Variants in CDH6 observed in about 807,000 individuals in gnomAD.
CDH6 encodes the protein cadherin 6.
A neutral mutation model predicts 78.0 loss-of-function variants in CDH6; 31 were observed. The observed-to-expected ratio is 0.40, with a 90% CI of 0.30 to 0.54. CDH6 has a LOEUF of 0.54. CDH6 is among the 20% of genes least tolerant of loss of function. CDH6 has a pLI of 0.56. For missense variants in CDH6, 724 were observed against 975.9 expected, an observed-to-expected ratio of 0.74 and a Z score of 3.44; for synonymous variants, 376 against 368.8, an observed-to-expected ratio of 1.02 and a Z score of -0.23.
At position 31,262,477 on chromosome 5, in the gene CDH6, A is replaced by G. The variant is rs112641302; in HGVS notation, c.-128-4869A>G. Among the ~76,000 whole-genome samples the G allele has an allele frequency of 2.9e-3, 439 of 152,316 alleles. 2 individuals are homozygous for G. Among genetic ancestry groups the G allele is most frequent in the African/African-American group, 9.5e-3 (394 of 41,572 alleles). On this transcript the variant is annotated intron_variant, in intron 1 of 11. Transcript: ENST00000265071. ...CTCACAAAAAACTAAGATCCCAACAAAAAGAAAAGAAGAGACATAGTCTAT... is the reference window on the plus strand; with the variant it reads ...CTCACAAAAAACTAAGATCCCAACAGAAAGAAAAGAAGAGACATAGTCTAT...
At chr5:31,276,320 A>G (rs772396696) in intron 2 of CDH6, among the ~76,000 whole-genome samples, 1 of 152,214 alleles carries the variant, frequency 6.6e-6, no homozygotes, top group Non-Finnish European at 1.5e-5. Context: ...TGTGACCTGG[A>G]ATAAGAAGCA....
rs1199729415 is a variant in CDH6 at position 31,193,814 on chromosome 5, G to T, written c.-201G>T. ...GAACGGCAGAGCCGGCGACCGCGGCGGCGGCGGCGGCGGAGGCAGGAGCAG... is the reference window on the plus strand; with the variant it reads ...GAACGGCAGAGCCGGCGACCGCGGCTGCGGCGGCGGCGGAGGCAGGAGCAG... On this transcript the variant is annotated 5_prime_UTR_variant, in exon 1 of 12. Transcript: ENST00000265071. 1 of 154,308 alleles carries T rather than the reference G, an allele frequency of 6.5e-6. No homozygotes were observed. 9.6% of individuals were successfully genotyped at this position (154,308 alleles called of 1,614,324 possible). A position where few individuals can be genotyped will look rare whatever the true frequency, so the allele number is the denominator to read the frequency against.
chr5:31,291,346 C>T (rs1008931781), intron 2 of CDH6, among the ~76,000 whole-genome samples: 2 of 152,134 alleles, frequency 1.3e-5, no homozygotes, highest in Non-Finnish European at 2.9e-5. Flanking sequence ...GAGTTAATAA[C>T]GGTAGCACTC....
intron 1 of CDH6, among the ~76,000 whole-genome samples, chr5:31,211,662 TG>T (rs1477917242): frequency 1.3e-5 from 2 of 152,146 alleles, no homozygotes; most frequent in Non-Finnish European, 2.9e-5. Flanking sequence ...GTTCTGGGGT[TG>T]TTTTTTTTCA....
intron 1 of CDH6, among the ~76,000 whole-genome samples, chr5:31,228,473 G>A (rs964461024): frequency 2.0e-5 from 3 of 152,146 alleles, no homozygotes; most frequent in Non-Finnish European, 4.4e-5. Flanking sequence ...GTATGTCCCA[G>A]GGTCAGACAC....
chr5:31,223,433 C>G (rs996130681), intron 1 of CDH6, among the ~76,000 whole-genome samples: 2 of 152,180 alleles, frequency 1.3e-5, no homozygotes, highest in African/African-American at 4.8e-5. Context: ...CATTATCCCT[C>G]CTTCTGGGAA....
chr5:31,253,311 C>A (rs922070995), intron 1 of CDH6, among the ~76,000 whole-genome samples: 2 of 152,312 alleles, frequency 1.3e-5, no homozygotes, highest in South Asian at 2.1e-4. Flanking sequence ...TGAGTGAGTT[C>A]TCACAAGATC....
intron 1 of CDH6, among the ~76,000 whole-genome samples, chr5:31,200,926 A>G (rs1467612452): frequency 6.6e-6 from 1 of 152,188 alleles, no homozygotes; most frequent in African/African-American, 2.4e-5. Context: ...GAGCTTAAAG[A>G]TGACTTTATC....
At position 31,267,672 on chromosome 5, in the gene CDH6, A is replaced by G. The variant is rs766885014; in HGVS notation, c.199A>G (p.Thr67Ala). 33 of 1,613,692 alleles carry G rather than the reference A, an allele frequency of 2.0e-5. No homozygotes were observed. The highest frequency in any genetic ancestry group is 3.3e-5 in the Admixed American group (2 of 60,000). ...WNQFFLLEEYTGSDYQYVGKL... is the reference protein window; with the variant it reads ...WNQFFLLEEYAGSDYQYVGKL... ...TCAGTTCTTTCTCCTGGAGGAATAC[A>G]CAGGATCCGATTATCAGTATGTGGG... The change falls in exon 2 of 12, where the codon ACA (threonine) becomes GCA (alanine). Residue 67 changes from threonine (T) to alanine (A), a missense_variant. Transcript: ENST00000265071.
At chr5:31,272,443 G>GTAAC (rs1742553921) in intron 2 of CDH6, among the ~76,000 whole-genome samples, 1 of 152,132 alleles carries the variant, frequency 6.6e-6, no homozygotes, top group South Asian at 2.1e-4. Context: ...AGAGATCCCT[G>GTAAC]TAACTCTCTA....
At chr5:31,253,080 T>C (rs1018507974) in intron 1 of CDH6, among the ~76,000 whole-genome samples, 4 of 152,192 alleles carry the variant, frequency 2.6e-5, no homozygotes, top group Admixed American at 2.6e-4. Flanking sequence ...CACCAGCAAA[T>C]TCAGTGCCCA....
chr5:31,280,324 T>C, intron 2 of CDH6, among the ~76,000 whole-genome samples: 1 of 152,186 alleles, frequency 6.6e-6, no homozygotes, highest in East Asian at 1.9e-4. Flanking sequence ...TATAAAATGC[T>C]GTCACATGTA....
intron 1 of CDH6, among the ~76,000 whole-genome samples, chr5:31,204,390 G>A (rs982935427): frequency 1.3e-5 from 2 of 152,138 alleles, no homozygotes; most frequent in African/African-American, 4.8e-5. Context: ...CAAACGTAAC[G>A]CTAGGGAGGA....
rs796740950 is a variant in CDH6, at chr5:31,199,685, G to GTGTGTATATA, written c.-129+5800_-129+5801insGTGTATATAT. ...TGTGTGTGTATGTGTGTGTGTGTGT[G>GTGTGTATATA]TATATATATATATATATATATATAT... On this transcript the variant is annotated intron_variant, in intron 1 of 11. Coordinates refer to ENST00000265071, the MANE Select transcript of CDH6 (RefSeq NM_004932.4). Among the ~76,000 whole-genome samples, 174 of 79,816 alleles carry GTGTGTATATA rather than the reference G, an allele frequency of 2.2e-3. 1 individual carries two copies. The highest frequency in any genetic ancestry group is 4.8e-3 in the African/African-American group (102 of 21,096). 52.4% of individuals were successfully genotyped at this position (79,816 alleles called of 152,430 possible).
At chr5:31,260,646 A>C (rs1321397712) in intron 1 of CDH6, among the ~76,000 whole-genome samples, 1 of 152,224 alleles carries the variant, frequency 6.6e-6, no homozygotes, top group African/African-American at 2.4e-5. Context: ...ATCAGTTTGC[A>C]AACAGATTGG....
At chr5:31,212,543 C>T (rs1343201125) in intron 1 of CDH6, among the ~76,000 whole-genome samples, 2 of 152,110 alleles carry the variant, frequency 1.3e-5, no homozygotes, top group Non-Finnish European at 2.9e-5. Flanking sequence ...ATCTGCAACC[C>T]GATTTCATTC....
intron 1 of CDH6, among the ~76,000 whole-genome samples, chr5:31,244,368 G>A (rs1397423814): frequency 6.6e-6 from 1 of 152,216 alleles, no homozygotes; most frequent in Non-Finnish European, 1.5e-5. Context: ...GGAAGGCTCT[G>A]TTATTGCAGA....
chr5:31,282,667 C>A (rs943518197), intron 2 of CDH6, among the ~76,000 whole-genome samples: 2 of 152,152 alleles, frequency 1.3e-5, no homozygotes, highest in African/African-American at 4.8e-5. Flanking sequence ...CTGCCTACTA[C>A]CACTATTATC....
rs199818074 is a variant in CDH6, at chr5:31,265,249, G to C, written c.-128-2097G>C. ...CCCTTTTATATACCATCTATGAGGA[G>C]AGAGAAGAATCATTCGTACCTAATT... is the stretch of plus-strand genomic sequence containing the variant. On this transcript the variant is annotated intron_variant, in intron 1 of 11. Transcript: ENST00000265071. 3.2e-4 allele frequency among the ~76,000 whole-genome samples: 49 copies of C among 152,320 alleles called. 2 individuals are homozygous for C. The East Asian group carries it at 7.7e-3, about 24-fold the overall frequency.
Sources: allele counts gnomAD v4.1 joint callset (sites outside exome capture counted in the v4.1 genomes callset), GRCh38; gene constraint gnomAD v4.1.1; transcripts MANE v1.5; gene names NCBI Gene and HGNC (gene_info 2026-07-23, HGNC 2026-07-21).